GPC5: variants seen among roughly 807,000 people sequenced by gnomAD.
GPC5 encodes the protein glypican-5.
In GPC5, 47 loss-of-function variants were observed where a neutral mutation model predicts 53.9. That is an observed-to-expected ratio of 0.87 (90% CI 0.69 to 1.11). The LOEUF (loss-of-function observed/expected upper bound fraction) is 1.11, where lower values mean the gene tolerates loss of function less well. GPC5 is among the 50% of genes most tolerant of loss of function. The probability of loss-of-function intolerance (pLI) is 0.00; values close to 1 mark genes in which losing one functional copy is unlikely to be tolerated. For synonymous variants in GPC5, 286 were observed against 263.3 expected (o/e 1.09, Z -0.84); for missense variants, 748 against 713.1 (o/e 1.05, Z -0.56).
chr13:92,149,104 A>T (rs796746204), intron 7 of GPC5, among the ~76,000 whole-genome samples: 6 of 152,206 alleles, frequency 3.9e-5, no homozygotes, highest in African/African-American at 1.4e-4. Context: ...AGAACCAGAT[A>T]CCAGACACTT....
At chr13:92,723,349 A>AG (rs1290947899) in intron 7 of GPC5, among the ~76,000 whole-genome samples, 2 of 35,292 alleles carry the variant, frequency 5.7e-5, no homozygotes, top group Non-Finnish European at 9.7e-5. Flanking sequence ...TATTCGTTAA[A>AG]AAAACCCAGA....
intron 5 of GPC5, among the ~76,000 whole-genome samples, chr13:91,820,977 CAAATA>C (rs1209482653): frequency 2.0e-5 from 3 of 147,094 alleles, no homozygotes; most frequent in Non-Finnish European, 1.5e-5. Flanking sequence ...AAAAAATAAA[CAAATA>C]AAATAAAAAA....
intron 7 of GPC5, among the ~76,000 whole-genome samples, chr13:92,414,987 C>G (rs1594182104): frequency 6.6e-6 from 1 of 152,078 alleles, no homozygotes; most frequent in African/African-American, 2.4e-5. Flanking sequence ...GGGGTTTCTC[C>G]CTAAATGGGG....
chr13:91,894,990 C>A (rs896602699), intron 5 of GPC5, among the ~76,000 whole-genome samples: 1 of 151,426 alleles, frequency 6.6e-6, no homozygotes, highest in Admixed American at 6.6e-5. Context: ...CTTTTATCAT[C>A]CTAGGAGGGA....
intron 4 of GPC5, among the ~76,000 whole-genome samples, chr13:91,750,472 A>T (rs1488845100): frequency 6.6e-6 from 1 of 152,168 alleles, no homozygotes; most frequent in East Asian, 1.9e-4. Context: ...ATAACAGTAG[A>T]GAAATAATTG....
chr13:91,937,090 C>T (rs2039877899), intron 6 of GPC5, among the ~76,000 whole-genome samples: 1 of 152,048 alleles, frequency 6.6e-6, no homozygotes. Context: ...CAGACAAACA[C>T]AGTACATCTT....
chr13:91,822,602 T>G (rs1252433238), intron 5 of GPC5, among the ~76,000 whole-genome samples: 1 of 152,132 alleles, frequency 6.6e-6, no homozygotes, highest in African/African-American at 2.4e-5. Flanking sequence ...GTGAGACCTA[T>G]TCACTATCAT....
chr13:92,383,156 T>C (rs1428529084), intron 7 of GPC5, among the ~76,000 whole-genome samples: 1 of 152,326 alleles, frequency 6.6e-6, no homozygotes, highest in South Asian at 2.1e-4. Context: ...ATCCTCTTCA[T>C]CTGTCATTTC....
intron 7 of GPC5, among the ~76,000 whole-genome samples, chr13:92,818,602 GTTCAT>G (rs1877565441): frequency 6.6e-6 from 1 of 151,882 alleles, no homozygotes; most frequent in African/African-American, 2.4e-5. Flanking sequence ...CAGGTTTCCA[GTTCAT>G]TTCCTTTTTT....
intron 6 of GPC5, among the ~76,000 whole-genome samples, chr13:92,040,696 A>G (rs1220683176): frequency 6.6e-6 from 1 of 152,180 alleles, no homozygotes; most frequent in Non-Finnish European, 1.5e-5. Context: ...TGATTCGCCA[A>G]AAATTGGGGA....
Position 92,368,469 on chromosome 13 carries a change from C to T in GPC5, c.1561+223480C>T, listed in dbSNP as rs190860188. Among the ~76,000 whole-genome samples the T allele has an allele frequency of 3.4e-3, 514 of 150,610 alleles. 5 individuals are homozygous for T. Among genetic ancestry groups the T allele is most frequent in the Non-Finnish European group, 5.4e-3 (366 of 67,616 alleles). ...GACCAGCCTGGCTGACAAGGTGAAA[C>T]CCTGTCTCTACTAAAAATACAAAAA... On this transcript the variant is annotated intron_variant, in intron 7 of 7. Coordinates refer to ENST00000377067, the MANE Select transcript of GPC5 (RefSeq NM_004466.6).
intron 7 of GPC5, among the ~76,000 whole-genome samples, chr13:92,595,618 A>T (rs566128438): frequency 6.6e-6 from 1 of 151,368 alleles, no homozygotes; most frequent in South Asian, 2.1e-4. Context: ...AATACAAAAA[A>T]TTAGCCGGGC....
At chr13:91,748,776 T>A (rs2037106346) in intron 4 of GPC5, among the ~76,000 whole-genome samples, 1 of 152,110 alleles carries the variant, frequency 6.6e-6, no homozygotes, top group South Asian at 2.1e-4. Flanking sequence ...GGATGTGAGG[T>A]TTAAGCAGGA....
chr13:92,445,293 G>GTTTTTTTTTTTTTTTTTT (rs547006896), intron 7 of GPC5, among the ~76,000 whole-genome samples: 1 of 130,632 alleles, frequency 7.7e-6, no homozygotes, highest in African/African-American at 3.2e-5. Flanking sequence ...CTCTTTTTGT[G>GTTTTTTTTTTTTTTTTTT]ATTTTTTTTG....
chr13:91,539,797 A>G (rs1210890928), intron 2 of GPC5, among the ~76,000 whole-genome samples: 1 of 152,222 alleles, frequency 6.6e-6, no homozygotes, highest in Non-Finnish European at 1.5e-5. Context: ...TATGTGTCAA[A>G]TAGCAACAAT....
chr13:92,573,303 A>G (rs1316276441), intron 7 of GPC5, among the ~76,000 whole-genome samples: 1 of 152,206 alleles, frequency 6.6e-6, no homozygotes, highest in Non-Finnish European at 1.5e-5. Context: ...AGGTTCATGA[A>G]TCTAAACCAT....
chr13:91,787,011 A>G (rs893714575), intron 5 of GPC5, among the ~76,000 whole-genome samples: 1 of 151,590 alleles, frequency 6.6e-6, no homozygotes, highest in African/African-American at 2.4e-5. Flanking sequence ...CAATTGTTCA[A>G]TACTAGTATA....
At chr13:92,441,203 C>T (rs1877543055) in intron 7 of GPC5, among the ~76,000 whole-genome samples, 1 of 152,148 alleles carries the variant, frequency 6.6e-6, no homozygotes, top group Admixed American at 6.5e-5. Flanking sequence ...TCCCAAGTAG[C>T]TGGGATAGGT....
chr13:91,585,000 C>G (rs899114128), intron 2 of GPC5, among the ~76,000 whole-genome samples: 5 of 152,014 alleles, frequency 3.3e-5, no homozygotes, highest in Non-Finnish European at 4.4e-5. Context: ...CCCTATAAAT[C>G]AATAGAAAAA....
Sources: allele counts gnomAD v4.1 joint callset (sites outside exome capture counted in the v4.1 genomes callset), GRCh38; gene constraint gnomAD v4.1.1; transcripts MANE v1.5; gene names NCBI Gene and HGNC (gene_info 2026-07-23, HGNC 2026-07-21).